Variants in EYS observed in about 807,000 individuals in gnomAD.
EYS encodes EGF-like photoreceptor maintenance factor, also known as protein eyes shut homolog.
EYS carries 250 observed loss-of-function variants against 282.1 expected under a neutral mutation model. The ratio of observed to expected loss-of-function variants is 0.89; its 90% CI spans 0.80 to 0.98. EYS has a LOEUF of 0.98. EYS is among the 50% of genes least tolerant of loss of function. EYS has a pLI of 0.00. For missense variants in EYS, 4,016 were observed against 3,709.0 expected (o/e 1.08, Z -2.15); for synonymous variants, 1,355 against 1,282.9 (o/e 1.06, Z -1.20).
At chr6:63,863,671 T>TTCTTTTCTTTTC (rs1554182913) in intron 36 of EYS, among the ~76,000 whole-genome samples, 1 of 62,000 alleles carries the variant, frequency 1.6e-5, no homozygotes, top group African/African-American at 5.7e-5. Context: ...TTCTTTTCTT[T>TTCTTTTCTTTTC]TTTCTTTTTT....
At chr6:65,127,573 T>G (rs138025831) in intron 12 of EYS, among the ~76,000 whole-genome samples, 14 of 152,230 alleles carry the variant, frequency 9.2e-5, no homozygotes, top group African/African-American at 3.4e-4. Context: ...GAAAAACAAT[T>G]TACTGTAGCT....
At chr6:65,119,600 C>A (rs1434414681) in intron 12 of EYS, among the ~76,000 whole-genome samples, 1 of 149,018 alleles carries the variant, frequency 6.7e-6, no homozygotes, top group African/African-American at 2.5e-5. Flanking sequence ...TAAAAAGAAT[C>A]CCATTTTTAA....
At chr6:64,796,252 C>T (rs1268665179) in intron 22 of EYS, among the ~76,000 whole-genome samples, 1 of 151,922 alleles carries the variant, frequency 6.6e-6, no homozygotes, top group Non-Finnish European at 1.5e-5. Context: ...TTTAGTGCCT[C>T]AAATTTATAT....
chr6:63,892,473 A>G (rs59618146), intron 35 of EYS, among the ~76,000 whole-genome samples: 17,887 of 152,204 alleles, frequency 0.12, 1,284 homozygotes, highest in African/African-American at 0.19. Flanking sequence ...AAAACAAGCA[A>G]TGGGGAAAGG....
At chr6:63,774,412 A>C (rs1340742576) in intron 40 of EYS, among the ~76,000 whole-genome samples, 1 of 151,756 alleles carries the variant, frequency 6.6e-6, no homozygotes, top group Non-Finnish European at 1.5e-5. Flanking sequence ...CAGGTGATCC[A>C]CCCATCTCGG....
intron 29 of EYS, among the ~76,000 whole-genome samples, chr6:64,316,428 C>T (rs1169278153): frequency 1.3e-5 from 2 of 152,018 alleles, no homozygotes; most frequent in Admixed American, 6.6e-5. Context: ...TAATAACAGA[C>T]AAATAGCCAA....
chr6:65,443,681 CACATACACATATATACACATATGTGCAT>C (rs1562187209), intron 5 of EYS, among the ~76,000 whole-genome samples: 12 of 150,298 alleles, frequency 8.0e-5, no homozygotes, highest in African/African-American at 2.7e-4. Context: ...ATCATATACA[CACATACACATATATACACATATGTGCAT>C]ATACACATAT....
At chr6:65,659,889 T>C (rs1490138) in intron 1 of EYS, among the ~76,000 whole-genome samples, 20,154 of 151,586 alleles carry the variant, frequency 0.13, 1,517 homozygotes, top group South Asian at 0.29. Flanking sequence ...AATCAAATTA[T>C]TGTAGTCAAG....
chr6:64,856,808 C>G (rs1449756984), intron 19 of EYS, among the ~76,000 whole-genome samples: 1 of 151,816 alleles, frequency 6.6e-6, no homozygotes, highest in Non-Finnish European at 1.5e-5. Flanking sequence ...ATGGATCAAG[C>G]TCTAGTTGCT....
intron 19 of EYS, among the ~76,000 whole-genome samples, chr6:64,850,572 T>C (rs896515633): frequency 6.6e-6 from 1 of 152,128 alleles, no homozygotes; most frequent in African/African-American, 2.4e-5. Flanking sequence ...ATTAAACAGC[T>C]AGAAGACTGA....
chr6:63,832,386 T>G (rs971969751), intron 36 of EYS, among the ~76,000 whole-genome samples: 1 of 152,048 alleles, frequency 6.6e-6, no homozygotes, highest in South Asian at 2.1e-4. Context: ...GAAGGGGATA[T>G]CACCACCGAT....
At chr6:64,633,523 A>G (rs1767865119) in intron 22 of EYS, among the ~76,000 whole-genome samples, 1 of 152,106 alleles carries the variant, frequency 6.6e-6, no homozygotes, top group African/African-American at 2.4e-5. Flanking sequence ...ACAGGGAAAA[A>G]TAAAAGTTAA....
intron 2 of EYS, among the ~76,000 whole-genome samples, chr6:65,564,921 A>C (rs1769215708): frequency 6.8e-6 from 1 of 147,764 alleles, no homozygotes; most frequent in South Asian, 2.2e-4. Context: ...GAACTTAAAC[A>C]AATTTAAAAG....
intron 9 of EYS, among the ~76,000 whole-genome samples, chr6:65,351,380 T>C (rs1239103537): frequency 6.6e-6 from 1 of 151,768 alleles, no homozygotes; most frequent in Non-Finnish European, 1.5e-5. Context: ...TTGAAGATAA[T>C]TGCTTTCTGC....
chr6:64,317,859 T>C (rs535917514), intron 29 of EYS, among the ~76,000 whole-genome samples: 7 of 152,112 alleles, frequency 4.6e-5, no homozygotes, highest in Non-Finnish European at 8.8e-5. Flanking sequence ...ATGAAAAACA[T>C]GAATTCATGG....
rs1767522562 is a variant in EYS, at chr6:65,525,496, C to T, written c.-332-29503G>A. On this transcript the variant is annotated intron_variant, in intron 2 of 42. Transcript: ENST00000503581. ...ATGATCTGCTAGCCTTCCCAGCCTT[C>T]TGATTCCCCTCGCCCACCATCAATT... is the stretch of plus-strand genomic sequence containing the variant. Among the ~76,000 whole-genome samples, 3 of 152,220 alleles carry T rather than the reference C, an allele frequency of 2.0e-5. No individual in the cohort carries two copies. In the South Asian group the frequency reaches 6.2e-4, roughly 32 times the overall value.
chr6:65,661,237 C>T (rs1005893469), intron 1 of EYS, among the ~76,000 whole-genome samples: 7 of 151,910 alleles, frequency 4.6e-5, no homozygotes, highest in East Asian at 1.9e-4. Flanking sequence ...ATATATGAGA[C>T]GGTAAAATAT....
intron 29 of EYS, among the ~76,000 whole-genome samples, chr6:64,346,980 A>G (rs1216123925): frequency 6.6e-6 from 1 of 151,458 alleles, no homozygotes; most frequent in Non-Finnish European, 1.5e-5. Flanking sequence ...TAAAATAATG[A>G]CAATGCAGTA....
intron 1 of EYS, among the ~76,000 whole-genome samples, chr6:65,642,549 C>T (rs1048914373): frequency 2.0e-5 from 3 of 151,752 alleles, no homozygotes; most frequent in East Asian, 1.9e-4. Flanking sequence ...TTTTATTCAC[C>T]TTTGTCCCAA....
Sources: allele counts gnomAD v4.1 joint callset (sites outside exome capture counted in the v4.1 genomes callset), GRCh38; gene constraint gnomAD v4.1.1; transcripts MANE v1.5; gene names NCBI Gene and HGNC (gene_info 2026-07-23, HGNC 2026-07-21).